Variants in ABHD12 observed in about 807,000 individuals in gnomAD.
The protein encoded by ABHD12 is abhydrolase domain containing 12, lysophospholipase.
In ABHD12, 43 loss-of-function variants were observed where a neutral mutation model predicts 58.3. That is an observed-to-expected ratio of 0.74 (90% CI 0.58 to 0.95). ABHD12 has a LOEUF of 0.95. ABHD12 is among the 40% of genes least tolerant of loss of function. The probability of loss-of-function intolerance (pLI) is 0.00; values close to 1 mark genes in which losing one functional copy is unlikely to be tolerated. For missense variants in ABHD12, 539 were observed against 537.2 expected (o/e 1.00, Z -0.03); for synonymous variants, 219 against 211.2 (o/e 1.04, Z -0.32).
chr20:25,387,229 T>C (rs2090102974), intron 1 of ABHD12, among the ~76,000 whole-genome samples: 1 of 152,194 alleles, frequency 6.6e-6, no homozygotes. Flanking sequence ...GTGTCATCCC[T>C]ATTATTTAAC....
At chr20:25,373,729 C>G (rs1222562343) in intron 1 of ABHD12, among the ~76,000 whole-genome samples, 2 of 151,700 alleles carry the variant, frequency 1.3e-5, no homozygotes, top group African/African-American at 2.4e-5. Context: ...TACGAAGTGC[C>G]TTGGTATACT....
chr20:25,323,059 G>A (rs1487264989), intron 3 of ABHD12, among the ~76,000 whole-genome samples: 2 of 152,074 alleles, frequency 1.3e-5, no homozygotes, highest in Admixed American at 1.3e-4. Context: ...TTTGCTTTTC[G>A]TTTTTCCTAG....
chr20:25,339,145 A>G (rs1230015387), intron 2 of ABHD12, 82 bp downstream of exon 2: 3 of 1,586,478 alleles, frequency 1.9e-6, no homozygotes, highest in Non-Finnish European at 2.6e-6. Context: ...ATTAAAGTAA[A>G]AAGACTACCC....
chr20:25,317,591 A>G (rs1373310151), intron 4 of ABHD12, among the ~76,000 whole-genome samples: 1 of 152,142 alleles, frequency 6.6e-6, no homozygotes, highest in Non-Finnish European at 1.5e-5. Flanking sequence ...TGCTGTGGCC[A>G]CCCTGCCTTA....
intron 1 of ABHD12, among the ~76,000 whole-genome samples, chr20:25,341,203 G>C (rs1484360545): frequency 6.6e-6 from 1 of 152,224 alleles, no homozygotes; most frequent in Non-Finnish European, 1.5e-5. Context: ...CAGCCCAGTG[G>C]GCGTTAATCA....
At chr20:25,347,286 A>G (rs2089532209) in intron 1 of ABHD12, among the ~76,000 whole-genome samples, 1 of 152,216 alleles carries the variant, frequency 6.6e-6, no homozygotes, top group Non-Finnish European at 1.5e-5. Context: ...AAATACTGCC[A>G]GCATGCTGTT....
intron 1 of ABHD12, chr20:25,368,358 T>C: frequency 6.4e-7 from 1 of 1,559,420 alleles, no homozygotes; most frequent in South Asian, 1.1e-5. Context: ...GCCTCCACAA[T>C]ATTCTTGCCT....
At chr20:25,302,176 T>A in intron 12 of ABHD12, 43 bp downstream of exon 12, 1 of 1,611,690 alleles carries the variant, frequency 6.2e-7, no homozygotes. Context: ...TGTGAGCCAG[T>A]GCTGCCCAGA....
At chr20:25,366,181 C>A (rs1259879655) in intron 1 of ABHD12, among the ~76,000 whole-genome samples, 1 of 152,070 alleles carries the variant, frequency 6.6e-6, no homozygotes. Flanking sequence ...TATTACACCT[C>A]TTTACCTATG....
chr20:25,323,277 G>A, intron 3 of ABHD12, 48 bp downstream of exon 3: 1 of 1,173,164 alleles, frequency 8.5e-7, no homozygotes, highest in Non-Finnish European at 1.3e-6. Context: ...CAGTCATGTA[G>A]GGTCCTTTCC....
chr20:25,342,290 ATAATTCAC>A (rs2146042555), intron 1 of ABHD12, among the ~76,000 whole-genome samples: 1 of 152,330 alleles, frequency 6.6e-6, no homozygotes, highest in Non-Finnish European at 1.5e-5. Flanking sequence ...GAATCTCAAA[ATAATTCAC>A]TAAGCAATAG....
exon 13 of ABHD12, chr20:25,294,965 G>A (rs539327867): frequency 9.9e-6 from 16 of 1,614,122 alleles, no homozygotes; most frequent in Non-Finnish European, 1.3e-5. Flanking sequence ...GTCACCTGTT[G>A]GCTTCAGTCA....
chr20:25,382,722 G>A (rs1307722227), intron 1 of ABHD12, among the ~76,000 whole-genome samples: 1 of 152,148 alleles, frequency 6.6e-6, no homozygotes, highest in Non-Finnish European at 1.5e-5. Context: ...CACAGTTCAG[G>A]CCTGTCTGCC....
Position 25,308,405 on chromosome 20 carries a change from G to A in ABHD12, c.787+52C>T, listed in dbSNP as rs562055979. On this transcript the variant is annotated intron_variant, in intron 8 of 12. Coordinates refer to ENST00000339157, the MANE Select transcript of ABHD12 (RefSeq NM_001042472.3). Reference sequence around the variant, plus strand: ...AGCACTTGCAGCAGGGCCGGGACTGGGGAGCACCCTGAATGCTCACTGCCA... The same window carrying A: ...AGCACTTGCAGCAGGGCCGGGACTGAGGAGCACCCTGAATGCTCACTGCCA... 15 of 1,597,026 alleles carry A rather than the reference G, an allele frequency of 9.4e-6. 1 individual carries two copies. In the South Asian group the frequency reaches 1.5e-4, roughly 16 times the overall value.
At chr20:25,340,198 G>T (rs929988905) in intron 1 of ABHD12, among the ~76,000 whole-genome samples, 4 of 152,064 alleles carry the variant, frequency 2.6e-5, no homozygotes, top group East Asian at 3.9e-4. Context: ...AGAAATCAAA[G>T]ATATTTAAAA....
chr20:25,350,780 A>C (rs2089587135), intron 1 of ABHD12, among the ~76,000 whole-genome samples: 1 of 152,234 alleles, frequency 6.6e-6, no homozygotes, highest in Admixed American at 6.5e-5. Flanking sequence ...CAAATGCAGA[A>C]AGACATCTTA....
intron 1 of ABHD12, among the ~76,000 whole-genome samples, chr20:25,370,328 A>T (rs962009974): frequency 3.9e-5 from 6 of 152,074 alleles, no homozygotes. Context: ...CAAGACAATA[A>T]GGGGGCCACA....
At chr20:25,390,037 G>A (rs1183787998) in intron 1 of ABHD12, 1 of 152,958 alleles carries the variant, frequency 6.5e-6, no homozygotes, top group Non-Finnish European at 1.5e-5. Context: ...AGCAGGAGGA[G>A]GAGGTCCGAG....
In ABHD12 at chr20:25,302,254, G is replaced by A. The variant is rs757643586; in HGVS notation, c.1122C>T (p.Tyr374=). The part of the protein sequence containing the change: ...FHSDLGYRHK[Y]IYKSPELPRI... ...GTGGCAGCTCAGGGCTCTTGTAAAT[G>A]TATTTGTGCCTGTAGCCAAGGTCTG... The change falls in exon 12 of 13, where the codon TAC becomes TAT. Residue 374 remains tyrosine, a synonymous_variant. Coordinates refer to ENST00000339157, the MANE Select transcript of ABHD12 (RefSeq NM_001042472.3). The A allele has an allele frequency of 2.5e-6, 4 of 1,613,752 alleles. No individual in the cohort carries two copies. The highest frequency in any genetic ancestry group is 2.7e-5 in the African/African-American group (2 of 75,048).
Sources: gnomAD v4.1 joint callset for allele counts (sites outside exome capture counted in the v4.1 genomes callset) on GRCh38, gnomAD v4.1.1 for gene constraint, MANE v1.5 for transcripts, NCBI Gene and HGNC (gene_info 2026-07-23, HGNC 2026-07-21) for gene names.